Variants in TRANK1 observed in about 807,000 individuals in gnomAD.
TRANK1 encodes TPR and ankyrin repeat-containing protein 1.
Under a neutral mutation model 266.0 loss-of-function variants are expected in TRANK1, and 198 were observed. The ratio of observed to expected loss-of-function variants is 0.74; its 90% CI spans 0.66 to 0.84. The LOEUF is 0.84. TRANK1 is among the 40% of genes least tolerant of loss of function. The pLI, the probability that TRANK1 is intolerant of heterozygous loss-of-function variation, is 0.00. For synonymous variants in TRANK1, 1,396 were observed against 1,384.1 expected, an observed-to-expected ratio of 1.01 and a Z score of -0.19; for missense variants, 3,326 against 3,634.6, an observed-to-expected ratio of 0.92 and a Z score of 2.18.
At position 36,853,789 on chromosome 3, in the gene TRANK1, A is replaced by G. The variant is rs2079014779; in HGVS notation, c.4549+1384T>C. ...AAAAGGCCATGTATTATATGATTACACTCATATGAAATGTCCACAATAGGC... is the reference window on the plus strand; with the variant it reads ...AAAAGGCCATGTATTATATGATTACGCTCATATGAAATGTCCACAATAGGC... On this transcript the variant is annotated intron_variant, in intron 13 of 23. Coordinates refer to ENST00000645898, the MANE Select transcript of TRANK1 (RefSeq NM_001329998.2). 2.0e-5 allele frequency among the ~76,000 whole-genome samples: 3 copies of G among 152,226 alleles called. No individual in the cohort carries two copies. The South Asian group carries it at 6.2e-4, about 31-fold the overall frequency.
intron 2 of TRANK1, among the ~76,000 whole-genome samples, chr3:36,905,104 C>T (rs949295067): frequency 6.6e-6 from 1 of 151,856 alleles, no homozygotes; most frequent in Non-Finnish European, 1.5e-5. Context: ...CCGGCTAACA[C>T]GGTGAAACCC....
chr3:36,879,798 A>G lies in TRANK1; in HGVS notation c.908-5502T>C, dbSNP rs1262788707. Among the ~76,000 whole-genome samples the G allele has an allele frequency of 3.7e-5, 4 of 108,628 alleles. 1 individual carries two copies. In the South Asian group the frequency reaches 8.4e-4, roughly 23 times the overall value. The allele number at this position is 108,628 out of a possible 152,430, so 71.3% of individuals were successfully genotyped here. A position where few individuals can be genotyped will look rare whatever the true frequency, so the allele number is the denominator to read the frequency against. On this transcript the variant is annotated intron_variant, in intron 8 of 23. Transcript: ENST00000645898. ...TATATATAAATATGTAAATATATAAATATACAAATATATGTAAATATACAA... is the reference window on the plus strand; with the variant it reads ...TATATATAAATATGTAAATATATAAGTATACAAATATATGTAAATATACAA...
Position 36,899,097 on chromosome 3 carries a change from G to A in TRANK1, c.433+12C>T. The A allele has an allele frequency of 6.5e-7, 1 of 1,537,006 alleles. No homozygotes were observed. The highest frequency in any genetic ancestry group is 2.4e-5 in the East Asian group (1 of 40,906). On this transcript the variant is annotated intron_variant, in intron 4 of 23. Coordinates refer to ENST00000645898, the MANE Select transcript of TRANK1 (RefSeq NM_001329998.2). ...AAGGACTTTACAAAAAGTCTCCCCA[G>A]TTCCAACTTACTGCTCATAGTGGTG...
rs1279729380 is a variant in TRANK1, at chr3:36,857,350, G to T, written c.2372C>A (p.Ala791Asp). The change falls in exon 13 of 24, where the codon GCT (alanine) becomes GAT (aspartate). Residue 791 changes from alanine to aspartate, a missense_variant. Physicochemically the swap from Ala to Asp is moderately radical, Grantham distance 126. Transcript: ENST00000645898. The surrounding 1 kb of genome is among the most constrained non-coding windows in gnomAD (Gnocchi z 4.3). ...PDCSEVGEGHAQVGLGALQLV... is the reference protein window; with the variant it reads ...PDCSEVGEGHDQVGLGALQLV... ...CTGCAAGGCCCCAAGGCCCACCTGA[G>T]CATGTCCTTCCCCCACCTCACTACA... 1 of 1,607,036 alleles carries T rather than the reference G, an allele frequency of 6.2e-7. No homozygotes were observed. The highest frequency in any genetic ancestry group is 1.1e-5 in the South Asian group (1 of 89,672).
chr3:36,893,994 C>T (rs1258531316), intron 5 of TRANK1, among the ~76,000 whole-genome samples: 3 of 151,730 alleles, frequency 2.0e-5, no homozygotes, highest in Non-Finnish European at 4.4e-5. Context: ...TAACTTTTTG[C>T]CCTAAACAAG....
intron 7 of TRANK1, among the ~76,000 whole-genome samples, chr3:36,890,404 G>A (rs997801853): frequency 6.6e-6 from 1 of 152,178 alleles, no homozygotes; most frequent in African/African-American, 2.4e-5. Context: ...GCCACCTTGA[G>A]GCACTGGGGC....
intron 8 of TRANK1, among the ~76,000 whole-genome samples, chr3:36,881,139 A>C (rs1414704283): frequency 6.6e-6 from 1 of 151,900 alleles, no homozygotes; most frequent in Non-Finnish European, 1.5e-5. Flanking sequence ...CTCATATAAC[A>C]TAAAATTCAT....
At chr3:36,860,779 C>CA in intron 11 of TRANK1, 127 bp downstream of exon 11, 1 of 1,339,790 alleles carries the variant, frequency 7.5e-7, no homozygotes, top group Non-Finnish European at 9.9e-7. Flanking sequence ...CAAGAATATA[C>CA]AGGGTAGGCA....
intron 1 of TRANK1, among the ~76,000 whole-genome samples, chr3:36,935,435 T>A (rs6777094): frequency 0.56 from 83,121 of 147,316 alleles, 23,756 homozygotes; most frequent in African/African-American, 0.6. Context: ...CCCTAGAAGA[T>A]GCCTGAATTC....
intron 11 of TRANK1, among the ~76,000 whole-genome samples, chr3:36,859,267 CTTCTT>C (rs1200309762): frequency 6.7e-6 from 1 of 148,886 alleles, no homozygotes; most frequent in Non-Finnish European, 1.5e-5. Context: ...ACATCCCTTG[CTTCTT>C]TTTTTTTTTT....
At chr3:36,893,048 A>G in intron 5 of TRANK1, 64 bp from the exon 6 acceptor site, 2 of 926,784 alleles carry the variant, frequency 2.2e-6, no homozygotes, top group Non-Finnish European at 2.9e-6. Context: ...TTAAAGCAAA[A>G]AAGTTATTTT....
chr3:36,943,288 A>G (rs563490658), intron 1 of TRANK1, among the ~76,000 whole-genome samples: 1 of 152,222 alleles, frequency 6.6e-6, no homozygotes, highest in South Asian at 2.1e-4. Context: ...GCAATTTTAC[A>G]TGTGTATGTG....
Position 36,936,219 on chromosome 3 carries a change from C to T in TRANK1, c.23+8568G>A, listed in dbSNP as rs534941280. On this transcript the variant is annotated intron_variant, in intron 1 of 23. Transcript: ENST00000645898. ...AAAGAAAAGGGATAGGTGTGGTGGG[C>T]CACGCCTGTAATCCCAGCACTTCGG... Among the ~76,000 whole-genome samples, 31 of 152,128 alleles carry T rather than the reference C, an allele frequency of 2.0e-4. 1 individual carries two copies. The South Asian group carries it at 6.0e-3, about 30-fold the overall frequency.
At chr3:36,846,475 G>T (rs2078916469) in intron 16 of TRANK1, 71 bp from the exon 17 acceptor site, 2 of 1,491,484 alleles carry the variant, frequency 1.3e-6, no homozygotes, top group African/African-American at 1.4e-5. Flanking sequence ...ACTTCAATGG[G>T]CTTACTCTAA....
intron 8 of TRANK1, among the ~76,000 whole-genome samples, chr3:36,876,462 A>G (rs1353255722): frequency 6.6e-6 from 1 of 152,252 alleles, no homozygotes; most frequent in Non-Finnish European, 1.5e-5. Flanking sequence ...CAGGTCACTA[A>G]GACACACTAG....
intron 8 of TRANK1, among the ~76,000 whole-genome samples, chr3:36,878,052 G>C (rs904741462): frequency 2.1e-4 from 28 of 131,082 alleles, no homozygotes; most frequent in Admixed American, 2.1e-3. Context: ...CCAGGTGCTG[G>C]TCTGTGGCCT....
intron 1 of TRANK1, among the ~76,000 whole-genome samples, chr3:36,940,245 C>T (rs1440694912): frequency 6.6e-6 from 1 of 151,468 alleles, no homozygotes; most frequent in Non-Finnish European, 1.5e-5. Flanking sequence ...AGCCTGTAAT[C>T]CCAGCACTTT....
chr3:36,940,163 G>T (rs980687711), intron 1 of TRANK1, among the ~76,000 whole-genome samples: 1 of 151,620 alleles, frequency 6.6e-6, no homozygotes, highest in Admixed American at 6.6e-5. Flanking sequence ...GGGATTACAG[G>T]CATGACCCAC....
chr3:36,884,527 A>G (rs2079574305), intron 8 of TRANK1, among the ~76,000 whole-genome samples: 1 of 152,202 alleles, frequency 6.6e-6, no homozygotes, highest in African/African-American at 2.4e-5. Flanking sequence ...AAAATAAATA[A>G]TCATACCATT....
Sources: gnomAD v4.1 joint callset for allele counts (sites outside exome capture counted in the v4.1 genomes callset) on GRCh38, gnomAD v4.1.1 for gene constraint, Gnocchi (gnomAD v3.1) non-coding constraint, MANE v1.5 for transcripts, NCBI Gene and HGNC (gene_info 2026-07-23, HGNC 2026-07-21) for gene names.